The following PHF11 variants were observed in gnomAD, a reference collection of about 807,000 sequenced individuals.
PHF11 encodes PHD finger protein 11.
In PHF11, 38 loss-of-function variants were observed where a neutral mutation model predicts 40.5. That is an observed-to-expected ratio of 0.94 (90% confidence interval 0.72 to 1.23). The LOEUF is 1.23. Ranked by LOEUF, PHF11 falls within the 50% of genes most tolerant of loss-of-function variation. The pLI is 0.00. For synonymous variants in PHF11, 127 were observed against 138.2 expected (o/e 0.92, Z 0.57); for missense variants, 369 against 392.4 (o/e 0.94, Z 0.50).
chr13:49,518,256 C>A, intron 4 of PHF11, 105 bp downstream of exon 4: 1 of 728,612 alleles, frequency 1.4e-6, no homozygotes, highest in South Asian at 2.8e-5. Context: ...AAATGGTTTT[C>A]AAATGAGAAC....
intron 8 of PHF11, 135 bp from the exon 9 acceptor site, chr13:49,526,252 G>A (rs1959270521): frequency 5.0e-6 from 3 of 602,794 alleles, no homozygotes; most frequent in African/African-American, 3.8e-5. Context: ...TGCTGCTGCT[G>A]TTGCCATCTA....
intron 1 of PHF11, among the ~76,000 whole-genome samples, chr13:49,500,837 C>G (rs1958889669): frequency 1.3e-5 from 2 of 152,100 alleles, no homozygotes; most frequent in South Asian, 2.1e-4. Context: ...CTCTTGGAAC[C>G]CAAGTACTTG....
chr13:49,523,394 C>G (rs1959200986), intron 7 of PHF11, 153 bp downstream of exon 7: 3 of 618,214 alleles, frequency 4.9e-6, no homozygotes, highest in African/African-American at 1.9e-5. Context: ...ACTGTCCACT[C>G]TATTGTAATC....
chr13:49,508,191 T>C (rs1296880727), intron 2 of PHF11, among the ~76,000 whole-genome samples: 4 of 147,752 alleles, frequency 2.7e-5, no homozygotes, highest in Non-Finnish European at 4.5e-5. Flanking sequence ...ATGCAGTATG[T>C]ATTAATATAT....
At chr13:49,526,185 A>AAG in intron 8 of PHF11, 25 of 491,920 alleles carry the variant, frequency 5.1e-5, no homozygotes, top group Non-Finnish European at 7.3e-5. Context: ...AAAAAAAAAA[A>AAG]AAAAAGAAAA....
intron 8 of PHF11, 62 bp downstream of exon 8, chr13:49,524,278 A>C: frequency 7.6e-7 from 1 of 1,314,916 alleles, no homozygotes; most frequent in Non-Finnish European, 1.0e-6. Context: ...ATTTAAAACA[A>C]AACAAACCCA....
At chr13:49,524,765 C>T (rs978744050) in intron 8 of PHF11, among the ~76,000 whole-genome samples, 7 of 152,092 alleles carry the variant, frequency 4.6e-5, no homozygotes, top group African/African-American at 1.4e-4. Flanking sequence ...CATGAGCCAC[C>T]ATGCCTGGCC....
chr13:49,506,788 A>T, intron 2 of PHF11, 32 bp downstream of exon 2: 2 of 1,526,374 alleles, frequency 1.3e-6, no homozygotes, highest in Non-Finnish European at 1.8e-6. Context: ...TTCAAAGTAC[A>T]TGAGTACTTT....
chr13:49,528,477 T>C, intron 9 of PHF11, 34 bp from the exon 10 acceptor site: 1 of 1,441,178 alleles, frequency 6.9e-7, no homozygotes, highest in South Asian at 1.2e-5. Flanking sequence ...AACTACTGAA[T>C]AAGCTGAAAT....
intron 3 of PHF11, among the ~76,000 whole-genome samples, chr13:49,515,302 A>G (rs569680527): frequency 1.3e-5 from 2 of 152,204 alleles, no homozygotes; most frequent in South Asian, 2.1e-4. Context: ...TGGTATTTTC[A>G]GTAAGCTGGG....
At chr13:49,504,470 C>T (rs1198857829) in intron 1 of PHF11, among the ~76,000 whole-genome samples, 18 of 149,056 alleles carry the variant, frequency 1.2e-4, no homozygotes, top group Admixed American at 1.1e-3. Context: ...AAAAGATACT[C>T]CCCAGCCCCC....
At chr13:49,525,468 G>C (rs1449205127) in intron 8 of PHF11, among the ~76,000 whole-genome samples, 4 of 152,128 alleles carry the variant, frequency 2.6e-5, no homozygotes, top group Non-Finnish European at 5.9e-5. Context: ...GGCTGGTCTT[G>C]AACTCCTGAT....
At chr13:49,498,212 C>T (rs1308171541) in intron 1 of PHF11, among the ~76,000 whole-genome samples, 1 of 152,162 alleles carries the variant, frequency 6.6e-6, no homozygotes, top group Non-Finnish European at 1.5e-5. Context: ...ATAGTAAGTC[C>T]TCATTAAATA....
chr13:49,524,239 C>CTAA (rs1959211083), intron 8 of PHF11, 23 bp downstream of exon 8: 2 of 1,569,684 alleles, frequency 1.3e-6, no homozygotes, highest in South Asian at 2.3e-5. Flanking sequence ...AGCAATATTT[C>CTAA]GAAGTATAGA....
At chr13:49,504,841 T>C (rs1432075970) in intron 1 of PHF11, among the ~76,000 whole-genome samples, 1 of 151,096 alleles carries the variant, frequency 6.6e-6, no homozygotes, top group African/African-American at 2.4e-5. Flanking sequence ...GAAGTAGACA[T>C]GGGAGACTTT....
chr13:49,499,048 C>T (rs1312595462), intron 1 of PHF11, among the ~76,000 whole-genome samples: 2 of 152,234 alleles, frequency 1.3e-5, no homozygotes, highest in African/African-American at 2.4e-5. Flanking sequence ...GGACTAGGAC[C>T]TGAGAAGCCA....
chr13:49,523,116 G>T (rs576668503), intron 6 of PHF11, 59 bp from the exon 7 acceptor site: 4 of 1,148,158 alleles, frequency 3.5e-6, no homozygotes, highest in East Asian at 4.7e-5. Context: ...GCAAAAGACT[G>T]GTTTTCATTT....
Position 49,513,391 on chromosome 13 carries a change from C to T in PHF11, c.324+225C>T, listed in dbSNP as rs549214394. ...TGTTGCCCAGGCTAGAGTGCAGTGA[C>T]ACGGTCTCAGCTCACTGCAACCTCC... On this transcript the variant is annotated intron_variant, in intron 3 of 9. Coordinates refer to ENST00000378319, the MANE Select transcript of PHF11 (RefSeq NM_001040443.3). Among the ~76,000 whole-genome samples the T allele has an allele frequency of 2.0e-4, 30 of 147,442 alleles. 1 individual carries two copies. In the East Asian group the frequency reaches 4.4e-3, roughly 21 times the overall value.
intron 5 of PHF11, 137 bp downstream of exon 5, chr13:49,521,077 T>C: frequency 7.2e-7 from 1 of 1,389,550 alleles, no homozygotes; most frequent in Non-Finnish European, 9.4e-7. Flanking sequence ...TCTAGAAAAT[T>C]GACAACTTCT....
Sources: gnomAD v4.1 joint callset for allele counts (sites outside exome capture counted in the v4.1 genomes callset) on GRCh38, gnomAD v4.1.1 for gene constraint, MANE v1.5 for transcripts, NCBI Gene and HGNC (gene_info 2026-07-23, HGNC 2026-07-21) for gene names.